NCKAP5: variants seen among roughly 807,000 people sequenced by gnomAD.
NCKAP5 encodes the protein nck-associated protein 5.
NCKAP5 carries 92 observed loss-of-function variants against 167.0 expected under a neutral mutation model. The observed-to-expected ratio is 0.55, with a 90% CI of 0.47 to 0.66. NCKAP5 has a LOEUF of 0.66. NCKAP5 is among the 30% of genes least tolerant of loss of function. NCKAP5 has a pLI of 0.00. For synonymous variants in NCKAP5, 891 were observed against 877.4 expected, an observed-to-expected ratio of 1.02 and a Z score of -0.27; for missense variants, 2,378 against 2,315.0, an observed-to-expected ratio of 1.03 and a Z score of -0.56.
the NCKAP5 span, among the ~76,000 whole-genome samples, chr2:133,614,646 A>G: frequency 6.6e-6 from 1 of 152,264 alleles, no homozygotes; most frequent in Non-Finnish European, 1.5e-5. Context: ...ATATGGGACT[A>G]TGTGAAAAGA....
chr2:133,518,724 T>A (rs1418443084), intron 2 of NCKAP5, among the ~76,000 whole-genome samples: 1 of 152,176 alleles, frequency 6.6e-6, no homozygotes, highest in African/African-American at 2.4e-5. Flanking sequence ...AAACTCATTT[T>A]TCTCAACTAC....
intron 5 of NCKAP5, among the ~76,000 whole-genome samples, chr2:133,178,147 C>T (rs2084550835): frequency 6.6e-6 from 1 of 152,164 alleles, no homozygotes; most frequent in Non-Finnish European, 1.5e-5. Context: ...CTAGGCAGAT[C>T]CTCCCTTTTC....
chr2:133,597,505 T>C, the NCKAP5 span, among the ~76,000 whole-genome samples: 1 of 151,422 alleles, frequency 6.6e-6, no homozygotes, highest in African/African-American at 2.4e-5. Context: ...CTGTCTCTAC[T>C]AAAAACACAA....
At chr2:133,260,396 A>G (rs547566208) in intron 4 of NCKAP5, among the ~76,000 whole-genome samples, 66 of 152,350 alleles carry the variant, frequency 4.3e-4, no homozygotes, top group African/African-American at 1.5e-3. Context: ...TTACACTGGA[A>G]CACAGTGAAG....
At chr2:132,967,378 C>CA (rs932585504) in intron 7 of NCKAP5, among the ~76,000 whole-genome samples, 6 of 152,102 alleles carry the variant, frequency 3.9e-5, no homozygotes, top group African/African-American at 1.4e-4. Context: ...AGACATGATT[C>CA]TATGGAAACT....
chr2:132,956,118 A>T (rs1487199262), intron 8 of NCKAP5, among the ~76,000 whole-genome samples: 1 of 152,226 alleles, frequency 6.6e-6, no homozygotes, highest in Non-Finnish European at 1.5e-5. Flanking sequence ...AATGTTAAGT[A>T]TGAGGTGATG....
chr2:133,112,922 G>C (rs1467986261), intron 6 of NCKAP5, among the ~76,000 whole-genome samples: 2 of 152,152 alleles, frequency 1.3e-5, no homozygotes, highest in African/African-American at 4.8e-5. Flanking sequence ...GGAATCTTCT[G>C]CTGGCCTTAC....
At chr2:132,831,343 A>C (rs1450140304) in intron 11 of NCKAP5, among the ~76,000 whole-genome samples, 1 of 152,232 alleles carries the variant, frequency 6.6e-6, no homozygotes, top group Non-Finnish European at 1.5e-5. Flanking sequence ...GCTGATATGC[A>C]TACTTAAATT....
chr2:133,452,357 G>A (rs1691602908), intron 3 of NCKAP5, among the ~76,000 whole-genome samples: 1 of 152,150 alleles, frequency 6.6e-6, no homozygotes, highest in Non-Finnish European at 1.5e-5. Flanking sequence ...GCATATGAAT[G>A]GGATTATGGG....
intron 3 of NCKAP5, among the ~76,000 whole-genome samples, chr2:133,348,863 G>A (rs1449727848): frequency 6.6e-6 from 1 of 152,166 alleles, no homozygotes; most frequent in East Asian, 1.9e-4. Flanking sequence ...AAGAAAAGCT[G>A]AAGTTTAGAA....
chr2:133,283,736 G>A (rs569959539), intron 4 of NCKAP5, among the ~76,000 whole-genome samples: 5 of 151,486 alleles, frequency 3.3e-5, no homozygotes, highest in East Asian at 1.9e-4. Context: ...TCAGCCTCCC[G>A]AGTAGCTGGA....
intron 5 of NCKAP5, among the ~76,000 whole-genome samples, chr2:133,163,842 T>C (rs973534419): frequency 6.6e-6 from 1 of 152,218 alleles, no homozygotes; most frequent in Admixed American, 6.5e-5. Context: ...TGAATTCCAA[T>C]TCAAAGATTC....
intron 6 of NCKAP5, among the ~76,000 whole-genome samples, chr2:132,996,191 T>C (rs1375878202): frequency 2.0e-5 from 3 of 152,202 alleles, no homozygotes; most frequent in African/African-American, 7.2e-5. Context: ...GTATGTCATG[T>C]TGAGAATGTA....
chr2:133,251,613 A>G (rs1023987652), intron 4 of NCKAP5, among the ~76,000 whole-genome samples: 2 of 152,208 alleles, frequency 1.3e-5, no homozygotes, highest in African/African-American at 4.8e-5. Flanking sequence ...TCAAACTGTA[A>G]CCTAAAGCAG....
chr2:133,671,270 G>A, the NCKAP5 span, among the ~76,000 whole-genome samples: 1 of 151,602 alleles, frequency 6.6e-6, no homozygotes. Context: ...TTTTGGTGGA[G>A]GAGATGAGAG....
At chr2:132,751,130 G>A (rs114692451) in intron 16 of NCKAP5, among the ~76,000 whole-genome samples, 1,593 of 152,186 alleles carry the variant, frequency 0.01, 19 homozygotes, top group African/African-American at 0.035. Flanking sequence ...GGTGGGAGGC[G>A]TTTGGATCAT....
At chr2:133,490,456 T>C (rs7573224) in intron 3 of NCKAP5, among the ~76,000 whole-genome samples, 5,528 of 152,252 alleles carry the variant, frequency 0.036, 351 homozygotes, top group African/African-American at 0.12. Context: ...GGTAACAATG[T>C]TATGTGGAGA....
At chr2:133,078,929 T>A (rs1171125684) in intron 6 of NCKAP5, among the ~76,000 whole-genome samples, 1 of 152,066 alleles carries the variant, frequency 6.6e-6, no homozygotes, top group African/African-American at 2.4e-5. Flanking sequence ...ATATTTTATA[T>A]GAGATGAAAG....
At chr2:133,254,189 T>A (rs569984587) in intron 4 of NCKAP5, among the ~76,000 whole-genome samples, 1 of 152,122 alleles carries the variant, frequency 6.6e-6, no homozygotes, top group Non-Finnish European at 1.5e-5. Flanking sequence ...CTATAGAACA[T>A]GAGAGAAGTG....
Sources: allele counts gnomAD v4.1 joint callset (sites outside exome capture counted in the v4.1 genomes callset), GRCh38; gene constraint gnomAD v4.1.1; transcripts MANE v1.5; gene names NCBI Gene and HGNC (gene_info 2026-07-23, HGNC 2026-07-21).